QTGAL: variants seen among roughly 807,000 people sequenced by gnomAD.
The protein encoded by QTGAL is BGnT-like protein 1.
At chr17:83,006,445 G>C in the QTGAL span, 1 of 984,766 alleles carries the variant, frequency 1.0e-6, no homozygotes, top group Non-Finnish European at 1.2e-6. This position sits in a 1 kb window ranked among gnomAD's most constrained non-coding sequence, Gnocchi z 5.8. Flanking sequence ...ACTGTAGAGA[G>C]ACCCTCTGTG....
the QTGAL span, among the ~76,000 whole-genome samples, chr17:82,967,855 A>G: frequency 6.6e-6 from 1 of 151,978 alleles, no homozygotes; most frequent in African/African-American, 2.4e-5. Flanking sequence ...GGATCCTTTG[A>G]GCTCCGGAAG....
At chr17:82,970,552 CGTGG>C in the QTGAL span, among the ~76,000 whole-genome samples, 1 of 132,018 alleles carries the variant, frequency 7.6e-6, no homozygotes, top group East Asian at 2.1e-4. Context: ...CCGCACCCGG[CGTGG>C]CCGCGACCTC....
the QTGAL span, among the ~76,000 whole-genome samples, chr17:83,032,985 C>T: frequency 1.1e-4 from 17 of 152,318 alleles, no homozygotes; most frequent in Middle Eastern, 3.4e-3. Context: ...GAGGAACGGG[C>T]GGCTCCCGCG....
chr17:82,971,473 G>A, the QTGAL span, among the ~76,000 whole-genome samples: 10 of 152,286 alleles, frequency 6.6e-5, no homozygotes, highest in Admixed American at 2.0e-4. Context: ...GGCCAGCCAC[G>A]CGCCGTCTCC....
the QTGAL span, among the ~76,000 whole-genome samples, chr17:83,000,495 C>A: frequency 1.1e-3 from 175 of 152,266 alleles, no homozygotes; most frequent in Middle Eastern, 6.8e-3. Context: ...CTGTGAAAGA[C>A]CCCATATGTG....
the QTGAL span, among the ~76,000 whole-genome samples, chr17:83,007,613 C>G: frequency 6.6e-6 from 1 of 152,098 alleles, no homozygotes; most frequent in Non-Finnish European, 1.5e-5. Context: ...CTCCTGAGAG[C>G]CTGGATCCCG....
the QTGAL span, among the ~76,000 whole-genome samples, chr17:83,002,887 T>TC: frequency 1.9e-4 from 11 of 58,330 alleles, no homozygotes; most frequent in East Asian, 1.5e-3. Context: ...GAGCCCGCCC[T>TC]CCGCGTGTGG....
chr17:83,008,754 C>T, the QTGAL span, among the ~76,000 whole-genome samples: 1 of 152,248 alleles, frequency 6.6e-6, no homozygotes, highest in Admixed American at 6.5e-5. Flanking sequence ...AGCGCCCAGC[C>T]CGGATCCCTG....
At chr17:83,050,909 G>A in the QTGAL span, among the ~76,000 whole-genome samples, 5 of 151,988 alleles carry the variant, frequency 3.3e-5, no homozygotes, top group Admixed American at 6.5e-5. Flanking sequence ...CAGAGCAGGT[G>A]TGTGAAGCAG....
chr17:83,006,478 G>C, the QTGAL span: 2 of 984,606 alleles, frequency 2.0e-6, no homozygotes, highest in East Asian at 1.1e-4. This position sits in a 1 kb window ranked among gnomAD's most constrained non-coding sequence, Gnocchi z 5.8. Flanking sequence ...TCCTCTGGTG[G>C]TAACATCACG....
At chr17:82,970,567 C>T in the QTGAL span, among the ~76,000 whole-genome samples, 33 of 131,630 alleles carry the variant, frequency 2.5e-4, 4 homozygotes, top group South Asian at 6.5e-4. Context: ...CCGCGACCTC[C>T]GCACCCGGCG....
the QTGAL span, among the ~76,000 whole-genome samples, chr17:83,043,424 A>G: frequency 6.6e-6 from 1 of 152,210 alleles, no homozygotes; most frequent in Admixed American, 6.5e-5. Context: ...TCAGCAACCA[A>G]TATGTCAAAG....
chr17:83,028,380 C>T, the QTGAL span, among the ~76,000 whole-genome samples: 3 of 150,858 alleles, frequency 2.0e-5, no homozygotes, highest in Admixed American at 2.0e-4. Context: ...AAAAATTAGC[C>T]GGGCGAGGTG....
At chr17:83,035,065 G>A in the QTGAL span, 1 of 1,612,872 alleles carries the variant, frequency 6.2e-7, no homozygotes, top group Non-Finnish European at 8.5e-7. Flanking sequence ...AAGACCCTGA[G>A]CTCTGGGCAA....
At chr17:83,017,985 AC>A in the QTGAL span, among the ~76,000 whole-genome samples, 1 of 142,432 alleles carries the variant, frequency 7.0e-6, no homozygotes, top group Non-Finnish European at 1.5e-5. Flanking sequence ...TGTATCAGGT[AC>A]CACACGTGCT....
At chr17:83,004,715 T>C in the QTGAL span, among the ~76,000 whole-genome samples, 1,143 of 55,710 alleles carry the variant, frequency 0.021, no homozygotes, top group Middle Eastern at 0.047. Context: ...GCCCTCCCAC[T>C]CTCTGCAGTC....
the QTGAL span, among the ~76,000 whole-genome samples, chr17:82,988,095 T>G: frequency 2.0e-5 from 3 of 152,248 alleles, no homozygotes; most frequent in Non-Finnish European, 4.4e-5. Flanking sequence ...TGTATAGGAA[T>G]GCTTGTGATT....
chr17:83,050,870 G>T, the QTGAL span, among the ~76,000 whole-genome samples: 6 of 151,810 alleles, frequency 4.0e-5, no homozygotes, highest in Non-Finnish European at 8.8e-5. Flanking sequence ...GCACGGGCAG[G>T]TATGGGGCAC....
At chr17:83,027,236 G>A in the QTGAL span, among the ~76,000 whole-genome samples, 6 of 152,130 alleles carry the variant, frequency 3.9e-5, no homozygotes, top group Non-Finnish European at 5.9e-5. Context: ...CCCTCACACC[G>A]CCAAGTGATT....
Sources: gnomAD v4.1 joint callset for allele counts (sites outside exome capture counted in the v4.1 genomes callset) on GRCh38, gnomAD v4.1.1 for gene constraint, Gnocchi (gnomAD v3.1) non-coding constraint, MANE v1.5 for transcripts, NCBI Gene and HGNC (gene_info 2026-07-23, HGNC 2026-07-21) for gene names.